The following ARID4B variants were observed in gnomAD, a reference collection of about 807,000 sequenced individuals.
ARID4B encodes AT-rich interactive domain-containing protein 4B.
In ARID4B, 26 loss-of-function variants were observed where a neutral mutation model predicts 147.5. The observed-to-expected ratio is 0.18, with a 90% CI of 0.13 to 0.24. ARID4B has a LOEUF of 0.24. Among genes scored for constraint, ARID4B ranks in the 10% least tolerant of loss-of-function variants. ARID4B has a pLI of 1.00. For synonymous variants in ARID4B, 512 were observed against 507.9 expected (o/e 1.01, Z -0.11); for missense variants, 1,179 against 1,511.5 (o/e 0.78, Z 3.65).
intron 2 of ARID4B, among the ~76,000 whole-genome samples, chr1:235,309,522 G>C (rs549920169): frequency 7.1e-6 from 1 of 140,146 alleles, no homozygotes; most frequent in African/African-American, 2.8e-5. Context: ...CCCTCTGCCC[G>C]GCCAGCCGCC....
At chr1:235,266,523 T>C (rs1043254304) in intron 2 of ARID4B, among the ~76,000 whole-genome samples, 1 of 152,154 alleles carries the variant, frequency 6.6e-6, no homozygotes, top group East Asian at 1.9e-4. Flanking sequence ...TACCTCACAG[T>C]TTTCCAGCAT....
In ARID4B at chr1:235,290,523, A is replaced by G. The variant is rs758830123; in HGVS notation, c.7-29771T>C. On this transcript the variant is annotated intron_variant, in intron 2 of 23. Coordinates refer to ENST00000264183, the MANE Select transcript of ARID4B (RefSeq NM_016374.6). ...TACTCTTACAGATGTATGAAATAAT[A>G]TATGTACAAAGTTACCTCATCTCAG... Among the ~76,000 whole-genome samples the G allele has an allele frequency of 2.6e-5, 4 of 152,182 alleles. No homozygotes were observed. The South Asian group carries it at 6.2e-4, about 24-fold the overall frequency.
intron 8 of ARID4B, among the ~76,000 whole-genome samples, chr1:235,236,834 A>ATATATATATATATATATATATATATGTT (rs71172277): frequency 9.5e-5 from 2 of 21,158 alleles, no homozygotes; most frequent in Non-Finnish European, 1.6e-4. Flanking sequence ...TTTATAAAAA[A>ATATATATATATATATATATATATATGTT]TATATATATA....
rs1249723652 is a variant in ARID4B, at chr1:235,260,723, C to T, written c.36G>A (p.Val12=). Residue 12 remains valine (V), a synonymous_variant, in exon 3 of 24, where the codon GTG becomes GTA. Coordinates refer to ENST00000264183, the MANE Select transcript of ARID4B (RefSeq NM_016374.6). ...TGTATTTAGCACTCACATCAGTGCC[C>T]ACTGTCAAATAGGGAGGCTCATCAA... is the stretch of plus-strand genomic sequence containing the variant. ...KALDEPPYLT[V]GTDVSAKYRG... 2 of 1,610,318 alleles carry T rather than the reference C, an allele frequency of 1.2e-6. No homozygotes were observed. The highest frequency in any genetic ancestry group is 1.1e-5 in the South Asian group (1 of 90,050).
At chr1:235,247,110 C>G (rs867243690) in intron 6 of ARID4B, among the ~76,000 whole-genome samples, 3 of 151,988 alleles carry the variant, frequency 2.0e-5, no homozygotes, top group African/African-American at 7.2e-5. Context: ...TCCTTTCCTA[C>G]GTTTTCTTAA....
At chr1:235,238,153 A>AAAAAAAAAAAAAAAG (rs61179792) in intron 8 of ARID4B, among the ~76,000 whole-genome samples, 29 of 141,742 alleles carry the variant, frequency 2.0e-4, no homozygotes, top group African/African-American at 7.7e-4. Flanking sequence ...CAAAAAAAAA[A>AAAAAAAAAAAAAAAG]AAAAGAAAAG....
At chr1:235,231,235 A>T in intron 9 of ARID4B, 46 bp from the exon 10 acceptor site, 1 of 976,102 alleles carries the variant, frequency 1.0e-6, no homozygotes, top group Admixed American at 2.7e-5. Context: ...AACCCAAAAT[A>T]TGACTGAGAT....
At chr1:235,220,748 G>A (rs972824020) in intron 14 of ARID4B, among the ~76,000 whole-genome samples, 3 of 152,064 alleles carry the variant, frequency 2.0e-5, no homozygotes, top group African/African-American at 7.2e-5. Context: ...ACTGTGCTCA[G>A]AGTCATAACA....
At chr1:235,300,629 AATT>A (rs1208822996) in intron 2 of ARID4B, among the ~76,000 whole-genome samples, 2 of 151,992 alleles carry the variant, frequency 1.3e-5, no homozygotes, top group East Asian at 1.9e-4. Flanking sequence ...CATCATTTTT[AATT>A]ATTATTATTA....
chr1:235,206,515 A>G (rs900033153), intron 17 of ARID4B, among the ~76,000 whole-genome samples: 3 of 152,228 alleles, frequency 2.0e-5, no homozygotes, highest in Admixed American at 1.3e-4. Context: ...GGGAAAAATT[A>G]GAAGGGAGAA....
intron 2 of ARID4B, among the ~76,000 whole-genome samples, chr1:235,312,753 ACCTGAGC>A (rs1674154029): frequency 6.6e-6 from 1 of 152,142 alleles, no homozygotes; most frequent in African/African-American, 2.4e-5. Flanking sequence ...GCAGGCGATC[ACCTGAGC>A]TCGGGAGTTT....
chr1:235,217,838 T>C (rs1262554037), intron 16 of ARID4B, among the ~76,000 whole-genome samples: 1 of 152,110 alleles, frequency 6.6e-6, no homozygotes, highest in Non-Finnish European at 1.5e-5. Flanking sequence ...AAAAATCAAT[T>C]ACAGTAAGCC....
At chr1:235,244,472 T>A (rs889139870) in intron 7 of ARID4B, among the ~76,000 whole-genome samples, 1 of 152,050 alleles carries the variant, frequency 6.6e-6, no homozygotes, top group Non-Finnish European at 1.5e-5. Flanking sequence ...AAAGAATCAA[T>A]AACTTGCTTT....
intron 11 of ARID4B, 77 bp from the exon 12 acceptor site, chr1:235,224,852 C>G: frequency 2.1e-6 from 2 of 965,438 alleles, no homozygotes; most frequent in Non-Finnish European, 3.2e-6. Context: ...TTACCAATAG[C>G]AAAGACTAGT....
chr1:235,208,957 T>C (rs1440396777), intron 17 of ARID4B, among the ~76,000 whole-genome samples: 1 of 136,030 alleles, frequency 7.4e-6, no homozygotes, highest in African/African-American at 3.7e-5. Flanking sequence ...TGCTAGACAA[T>C]AGTTTTAGAT....
intron 17 of ARID4B, among the ~76,000 whole-genome samples, chr1:235,196,455 T>G (rs1665495908): frequency 6.6e-6 from 1 of 152,188 alleles, no homozygotes; most frequent in Admixed American, 6.5e-5. Context: ...ACATTTTGTT[T>G]TACTTTGTTT....
chr1:235,315,564 T>G lies in ARID4B; in HGVS notation c.6+11350A>C, dbSNP rs572091072. ...GTAAATTTGTAACTTAAAAGTGATATACCCTATTTTCTTCCTTATAAATGT... is the reference window on the plus strand; with the variant it reads ...GTAAATTTGTAACTTAAAAGTGATAGACCCTATTTTCTTCCTTATAAATGT... On this transcript the variant is annotated intron_variant, in intron 2 of 23. Coordinates refer to ENST00000264183, the MANE Select transcript of ARID4B (RefSeq NM_016374.6). Among the ~76,000 whole-genome samples the G allele has an allele frequency of 1.3e-3, 194 of 152,380 alleles. 1 individual carries two copies. The highest frequency in any genetic ancestry group is 4.6e-3 in the African/African-American group (190 of 41,596).
At chr1:235,227,022 G>T (rs1428296410) in intron 11 of ARID4B, among the ~76,000 whole-genome samples, 1 of 152,146 alleles carries the variant, frequency 6.6e-6, no homozygotes, top group Non-Finnish European at 1.5e-5. Context: ...TGAGGTGAGG[G>T]AGGTGATGGT....
intron 6 of ARID4B, among the ~76,000 whole-genome samples, chr1:235,250,040 G>A (rs1669547094): frequency 6.6e-6 from 1 of 151,960 alleles, no homozygotes; most frequent in Non-Finnish European, 1.5e-5. Flanking sequence ...CTGGGAGGCG[G>A]AGCTTGCAGT....
Sources: allele counts gnomAD v4.1 joint callset (sites outside exome capture counted in the v4.1 genomes callset), GRCh38; gene constraint gnomAD v4.1.1; transcripts MANE v1.5; gene names NCBI Gene and HGNC (gene_info 2026-07-23, HGNC 2026-07-21).